COL25A1: variants seen among roughly 807,000 people sequenced by gnomAD.
COL25A1 encodes the protein collagen type XXV alpha 1 chain, also known as collagen alpha-1(XXV) chain.
In COL25A1, 103 loss-of-function variants were observed where a neutral mutation model predicts 128.4. The ratio of observed to expected loss-of-function variants is 0.80; its 90% CI spans 0.68 to 0.94. The LOEUF is 0.94. Ranked by LOEUF, COL25A1 falls within the 40% of genes least tolerant of loss-of-function variation. The pLI, the probability that COL25A1 is intolerant of heterozygous loss-of-function variation, is 0.00. For synonymous variants in COL25A1, 279 were observed against 277.2 expected, an observed-to-expected ratio of 1.01 and a Z score of -0.06; for missense variants, 745 against 840.0, an observed-to-expected ratio of 0.89 and a Z score of 1.40.
At chr4:108,889,671 G>A in intron 17 of COL25A1, 30 bp downstream of exon 17, 1 of 1,606,236 alleles carries the variant, frequency 6.2e-7, no homozygotes, top group Non-Finnish European at 8.5e-7. Flanking sequence ...GTAACTCCTG[G>A]AGTACAAATA....
intron 26 of COL25A1, among the ~76,000 whole-genome samples, chr4:108,849,659 C>T (rs1301440586): frequency 6.6e-6 from 1 of 152,080 alleles, no homozygotes; most frequent in Non-Finnish European, 1.5e-5. Context: ...TATGTGGATC[C>T]CATTACAAAT....
At chr4:109,093,459 A>AAAAAACAAAC (rs1553930993) in intron 3 of COL25A1, among the ~76,000 whole-genome samples, 2,876 of 122,028 alleles carry the variant, frequency 0.024, 119 homozygotes, top group African/African-American at 0.075. Flanking sequence ...ATCTCTATGA[A>AAAAAACAAAC]AAAAAAAAAA....
intron 3 of COL25A1, among the ~76,000 whole-genome samples, chr4:109,207,737 T>A (rs1777129989): frequency 6.6e-6 from 1 of 152,150 alleles, no homozygotes; most frequent in Non-Finnish European, 1.5e-5. Context: ...ATACCTGTAA[T>A]TGCTCATTAA....
chr4:109,156,770 G>A (rs1456285213), intron 3 of COL25A1, among the ~76,000 whole-genome samples: 2 of 152,150 alleles, frequency 1.3e-5, no homozygotes, highest in African/African-American at 4.8e-5. Flanking sequence ...TGTTTTCAGT[G>A]AACTGTAGAT....
At chr4:108,879,823 T>A (rs1332876338) in intron 19 of COL25A1, among the ~76,000 whole-genome samples, 1 of 151,906 alleles carries the variant, frequency 6.6e-6, no homozygotes, top group Non-Finnish European at 1.5e-5. Flanking sequence ...TTATTTATTT[T>A]TTTGAGATGG....
At chr4:109,016,969 T>C (rs936012078) in intron 5 of COL25A1, among the ~76,000 whole-genome samples, 1 of 152,180 alleles carries the variant, frequency 6.6e-6, no homozygotes, top group Non-Finnish European at 1.5e-5. Flanking sequence ...TCATTCGCCA[T>C]GTTGCGAGCA....
At chr4:108,974,298 G>A in intron 8 of COL25A1, 69 bp downstream of exon 8, 2 of 1,510,998 alleles carry the variant, frequency 1.3e-6, no homozygotes, top group East Asian at 2.3e-5. Context: ...TGAAGCTGGG[G>A]TACTTTCATT....
At chr4:109,178,054 T>A (rs893284268) in intron 3 of COL25A1, among the ~76,000 whole-genome samples, 1 of 152,232 alleles carries the variant, frequency 6.6e-6, no homozygotes, top group Non-Finnish European at 1.5e-5. Flanking sequence ...ATACCATTTC[T>A]GGGGAATTGA....
At chr4:108,990,941 A>G (rs1057421333) in intron 6 of COL25A1, among the ~76,000 whole-genome samples, 2 of 152,170 alleles carry the variant, frequency 1.3e-5, no homozygotes, top group African/African-American at 2.4e-5. Flanking sequence ...TTCATTTGCT[A>G]TTGTACAACC....
rs1271613611 is a variant in COL25A1, at chr4:108,824,162, T to C, written c.1845+12A>G. The C allele has an allele frequency of 1.2e-6, 2 of 1,614,056 alleles. No homozygotes were observed. The highest frequency in any genetic ancestry group is 8.5e-7 in the Non-Finnish European group (1 of 1,179,968). ...GAATCAAACAAGGTACATGCTGGGA[T>C]GGAGAGGTCACCTTTTCTCCCTTTT... is the stretch of plus-strand genomic sequence containing the variant. On this transcript the variant is annotated intron_variant, in intron 35 of 37. Coordinates refer to ENST00000399132, the MANE Select transcript of COL25A1 (RefSeq NM_198721.4).
intron 27 of COL25A1, among the ~76,000 whole-genome samples, chr4:108,847,866 A>T (rs548799339): frequency 6.6e-6 from 1 of 152,296 alleles, no homozygotes; most frequent in African/African-American, 2.4e-5. Context: ...TCTTCTGAGG[A>T]GTATATGTGC....
At chr4:108,869,470 C>A (rs139968547) in intron 19 of COL25A1, among the ~76,000 whole-genome samples, 1,678 of 152,240 alleles carry the variant, frequency 0.011, 120 homozygotes, top group Admixed American at 0.1. Flanking sequence ...AGGTAACCTG[C>A]GGGCTCAATA....
At chr4:108,951,542 C>T (rs1398735199) in intron 8 of COL25A1, among the ~76,000 whole-genome samples, 7 of 151,862 alleles carry the variant, frequency 4.6e-5, no homozygotes, top group African/African-American at 7.3e-5. Context: ...CCCACCACCA[C>T]GCCCGGCAAA....
At chr4:108,961,746 C>CA (rs1750736972) in intron 8 of COL25A1, among the ~76,000 whole-genome samples, 2 of 152,146 alleles carry the variant, frequency 1.3e-5, no homozygotes, top group Non-Finnish European at 1.5e-5. Context: ...GGAAATATAA[C>CA]AAAGTGATGG....
At chr4:109,244,329 T>A (rs1780114097) in intron 3 of COL25A1, among the ~76,000 whole-genome samples, 1 of 152,066 alleles carries the variant, frequency 6.6e-6, no homozygotes, top group African/African-American at 2.4e-5. Flanking sequence ...AAAAGCAGGA[T>A]GATAATATCC....
intron 3 of COL25A1, among the ~76,000 whole-genome samples, chr4:109,244,119 A>T (rs1487754396): frequency 6.6e-6 from 1 of 150,814 alleles, no homozygotes; most frequent in Non-Finnish European, 1.5e-5. Context: ...ATCCCGGAAG[A>T]AGTAAAGAGA....
intron 3 of COL25A1, among the ~76,000 whole-genome samples, chr4:109,113,095 G>A (rs959853295): frequency 6.6e-6 from 1 of 152,108 alleles, no homozygotes; most frequent in Non-Finnish European, 1.5e-5. Flanking sequence ...CTACACCGGA[G>A]AGAGGAAAAA....
intron 3 of COL25A1, among the ~76,000 whole-genome samples, chr4:109,237,179 G>A (rs1264485570): frequency 6.6e-6 from 1 of 151,968 alleles, no homozygotes; most frequent in Non-Finnish European, 1.5e-5. Context: ...GATCCCAGTA[G>A]CAGTACTTTT....
At chr4:109,298,429 G>A (rs1725196835) in intron 3 of COL25A1, among the ~76,000 whole-genome samples, 1 of 152,094 alleles carries the variant, frequency 6.6e-6, no homozygotes. Context: ...TTAACTTCAA[G>A]GGGTGGGCAT....
Sources: allele counts gnomAD v4.1 joint callset (sites outside exome capture counted in the v4.1 genomes callset), GRCh38; gene constraint gnomAD v4.1.1; transcripts MANE v1.5; gene names NCBI Gene and HGNC (gene_info 2026-07-23, HGNC 2026-07-21).